The following SEC63 variants were observed in gnomAD, a reference collection of about 807,000 sequenced individuals.
SEC63 encodes the protein SEC63 protein translocation regulator, also known as translocation protein SEC63 homolog.
In SEC63, 56 loss-of-function variants were observed where a neutral mutation model predicts 116.2. The ratio of observed to expected loss-of-function variants is 0.48; its 90% CI spans 0.39 to 0.60. SEC63 has a LOEUF of 0.60. Ranked by LOEUF, SEC63 falls within the 20% of genes least tolerant of loss-of-function variation. The pLI, the probability that SEC63 is intolerant of heterozygous loss-of-function variation, is 0.00. For missense variants in SEC63, 668 were observed against 900.0 expected, an observed-to-expected ratio of 0.74 and a Z score of 3.30; for synonymous variants, 273 against 294.6, an observed-to-expected ratio of 0.93 and a Z score of 0.75.
chr6:107,939,826 G>A (rs1424154703), intron 1 of SEC63, among the ~76,000 whole-genome samples: 1 of 152,114 alleles, frequency 6.6e-6, no homozygotes, highest in Non-Finnish European at 1.5e-5. Flanking sequence ...TTGCCAGAAT[G>A]TTTCAGAATA....
In SEC63 at chr6:107,871,852, AAAG is replaced by A; in HGVS notation, c.2140-8_2140-6del. 1 of 1,613,382 alleles carries A rather than the reference AAAG, an allele frequency of 6.2e-7. No homozygotes were observed. The highest frequency in any genetic ancestry group is 8.5e-7 in the Non-Finnish European group (1 of 1,179,668). ...CTTAGCCTCATGAACTTCCAACTAGAAAGAAGAATTAAATGTAGACATCAGAAA... is the reference window on the plus strand; with the variant it reads ...CTTAGCCTCATGAACTTCCAACTAGAAAGAATTAAATGTAGACATCAGAAA... On this transcript the variant is annotated splice_region_variant and splice_polypyrimidine_tract_variant and intron_variant, in intron 20 of 20. Transcript: ENST00000369002.
At chr6:107,943,024 G>T (rs1770409994) in intron 1 of SEC63, among the ~76,000 whole-genome samples, 1 of 152,116 alleles carries the variant, frequency 6.6e-6, no homozygotes, top group Non-Finnish European at 1.5e-5. Context: ...AAGGTTTATG[G>T]TATCACACTG....
intron 16 of SEC63, among the ~76,000 whole-genome samples, chr6:107,889,891 C>G (rs1406804402): frequency 1.3e-5 from 2 of 152,090 alleles, no homozygotes; most frequent in African/African-American, 4.8e-5. Flanking sequence ...TTGTGCAGTT[C>G]TGAGCGAGTT....
Position 107,958,142 on chromosome 6 carries a change from G to A in SEC63, c.-133C>T. On this transcript the variant is annotated 5_prime_UTR_variant, in exon 1 of 21. Transcript: ENST00000369002. ...CGCCGCCTCTCCTCCCCGCCCCCAC[G>A]CCACTCTCACGGACACGCCGCCGCC... 7 of 1,407,970 alleles carry A rather than the reference G, an allele frequency of 5.0e-6. No individual in the cohort carries two copies. The highest frequency in any genetic ancestry group is 6.8e-6 in the Non-Finnish European group (7 of 1,022,920). The allele number at this position is 1,407,970 out of a possible 1,614,324, so 87.2% of individuals were successfully genotyped here.
chr6:107,886,951 C>A (rs1162088283), intron 16 of SEC63, among the ~76,000 whole-genome samples: 1 of 150,052 alleles, frequency 6.7e-6, no homozygotes, highest in Non-Finnish European at 1.5e-5. Context: ...GTCAAGAAGT[C>A]TTTGCCCATG....
rs558888614 is a variant in SEC63, at chr6:107,939,945, C to T, written c.125-10431G>A. 3.9e-5 allele frequency among the ~76,000 whole-genome samples: 6 copies of T among 152,252 alleles called. No homozygotes were observed. In the South Asian group the frequency reaches 1.0e-3, roughly 26 times the overall value. On this transcript the variant is annotated intron_variant, in intron 1 of 20. Transcript: ENST00000369002. ...TAATCATTATGCTCTTAACTTGAAT[C>T]TGAATAGTTAGCCATATGTCTCATT...
rs1268041871 is a variant in SEC63 at position 107,868,389 on chromosome 6, GACA to G, written c.*3312_*3314del. 2 of 152,162 alleles carry G rather than the reference GACA, an allele frequency of 1.3e-5. No homozygotes were observed. The highest frequency in any genetic ancestry group is 4.8e-5 in the African/African-American group (2 of 41,416). The allele number at this position is 152,162 out of a possible 1,614,324, so 9.4% of individuals were successfully genotyped here. ...AGGCCAGGAGTTCGAGACCAGGCTGGACAACGTGGCAAAATCCCATCTCTACTA... is the reference window on the plus strand; with the variant it reads ...AGGCCAGGAGTTCGAGACCAGGCTGGACGTGGCAAAATCCCATCTCTACTA... On this transcript the variant is annotated 3_prime_UTR_variant, in exon 21 of 21. Coordinates refer to ENST00000369002, the MANE Select transcript of SEC63 (RefSeq NM_007214.5).
chr6:107,937,880 G>A (rs1770291662), intron 1 of SEC63, among the ~76,000 whole-genome samples: 1 of 152,112 alleles, frequency 6.6e-6, no homozygotes, highest in South Asian at 2.1e-4. Flanking sequence ...ACTTAATGGG[G>A]ATATTTTTTG....
chr6:107,909,444 C>A (rs1362139603), intron 7 of SEC63, among the ~76,000 whole-genome samples: 1 of 150,950 alleles, frequency 6.6e-6, no homozygotes, highest in African/African-American at 2.4e-5. Flanking sequence ...TGTTTATGGT[C>A]AAATCTTCTA....
chr6:107,881,399 C>T, intron 17 of SEC63, 149 bp from the exon 18 acceptor site: 1 of 625,498 alleles, frequency 1.6e-6, no homozygotes, highest in Non-Finnish European at 2.8e-6. Flanking sequence ...CCTGCTCATC[C>T]TTACAATGCC....
chr6:107,911,979 G>A (rs774594721), intron 6 of SEC63, among the ~76,000 whole-genome samples: 7 of 151,982 alleles, frequency 4.6e-5, no homozygotes, highest in Admixed American at 1.3e-4. Flanking sequence ...ATTCCTTCTC[G>A]ACTATTCCTA....
chr6:107,888,102 T>G (rs1786578935), intron 16 of SEC63, among the ~76,000 whole-genome samples: 1 of 152,202 alleles, frequency 6.6e-6, no homozygotes, highest in African/African-American at 2.4e-5. Flanking sequence ...ATATGAAATT[T>G]AAAGTAGTTT....
chr6:107,910,738 T>C (rs934568764), intron 7 of SEC63, among the ~76,000 whole-genome samples: 1 of 152,234 alleles, frequency 6.6e-6, no homozygotes, highest in Non-Finnish European at 1.5e-5. Flanking sequence ...TGTATATATG[T>C]ATCTGTGTTA....
At chr6:107,877,266 CT>C (rs1394505994) in intron 18 of SEC63, 7 of 152,146 alleles carry the variant, frequency 4.6e-5, no homozygotes, top group African/African-American at 1.4e-4. Context: ...AGGGAAGTAT[CT>C]TTCTAAAACA....
intron 12 of SEC63, 55 bp from the exon 13 acceptor site, chr6:107,901,572 TAAAAAG>T (rs1477686285): frequency 3.0e-6 from 4 of 1,322,868 alleles, no homozygotes; most frequent in Non-Finnish European, 1.0e-6. Flanking sequence ...AAGCTTTTCA[TAAAAAG>T]AAAATTACTC....
chr6:107,906,909 C>T lies in SEC63; in HGVS notation c.734-132G>A. 5.6e-6 allele frequency: 4 copies of T among 708,782 alleles called. No homozygotes were observed. In the South Asian group the frequency reaches 6.3e-5, roughly 11 times the overall value. 43.9% of individuals were successfully genotyped at this position (708,782 alleles called of 1,614,324 possible). A position where few individuals can be genotyped will look rare whatever the true frequency, so the allele number is the denominator to read the frequency against. The stretch of plus-strand genomic sequence containing the variant: ...ACAATGCTAAAAATTATCTGAACTC[C>T]ACTGACAAGTATTTATTTCTTCCAT... On this transcript the variant is annotated intron_variant, in intron 8 of 20. Transcript: ENST00000369002.
intron 1 of SEC63, among the ~76,000 whole-genome samples, chr6:107,953,397 G>T (rs1770619644): frequency 6.6e-6 from 1 of 152,092 alleles, no homozygotes; most frequent in East Asian, 1.9e-4. Flanking sequence ...AAGGAGGTGG[G>T]GGGGTCAGCC....
chr6:107,892,458 A>AC (rs1786705388), intron 16 of SEC63, among the ~76,000 whole-genome samples: 1 of 152,188 alleles, frequency 6.6e-6, no homozygotes, highest in South Asian at 2.1e-4. Context: ...CCAGAAGAAA[A>AC]CAGAAAAATA....
intron 1 of SEC63, among the ~76,000 whole-genome samples, chr6:107,952,937 A>G (rs1004050285): frequency 6.6e-6 from 1 of 152,158 alleles, no homozygotes; most frequent in Non-Finnish European, 1.5e-5. Flanking sequence ...AAAACTAAAT[A>G]AACTAAGCCT....
Sources: allele counts gnomAD v4.1 joint callset (sites outside exome capture counted in the v4.1 genomes callset), GRCh38; gene constraint gnomAD v4.1.1; transcripts MANE v1.5; gene names NCBI Gene and HGNC (gene_info 2026-07-23, HGNC 2026-07-21).